PAPPA2: variants seen among roughly 807,000 people sequenced by gnomAD.
The protein encoded by PAPPA2 is pappalysin 2.
PAPPA2 carries 86 observed loss-of-function variants against 176.4 expected under a neutral mutation model. That is an observed-to-expected ratio of 0.49 (90% CI 0.41 to 0.58). The LOEUF (loss-of-function observed/expected upper bound fraction) is 0.58. Ranked by LOEUF, PAPPA2 falls within the 20% of genes least tolerant of loss-of-function variation. PAPPA2 has a pLI of 0.00. For missense variants in PAPPA2, 2,073 were observed against 2,256.9 expected (o/e 0.92, Z 1.65); for synonymous variants, 809 against 852.2 (o/e 0.95, Z 0.88).
At chr1:176,673,462 G>A (rs1659119955) in intron 4 of PAPPA2, among the ~76,000 whole-genome samples, 1 of 152,136 alleles carries the variant, frequency 6.6e-6, no homozygotes, top group South Asian at 2.1e-4. Context: ...CCTTTCTGGT[G>A]TATGTCTGTG....
At chr1:176,670,920 T>A (rs756524972) in intron 3 of PAPPA2, 50 bp from the exon 4 acceptor site, 1 of 1,609,032 alleles carries the variant, frequency 6.2e-7, no homozygotes, top group Non-Finnish European at 8.5e-7. Context: ...TGCTATTCTC[T>A]AAGTACCAAT....
rs528676428 is a variant in PAPPA2 at position 176,722,373 on chromosome 1, ATAAGTAAT to A, written c.3798+10397_3798+10404del. 2.5e-4 allele frequency among the ~76,000 whole-genome samples: 37 copies of A among 150,534 alleles called. 1 individual carries two copies. The East Asian group carries it at 6.0e-3, about 25-fold the overall frequency. ...ATTTGGGAAAGATCACTTTAATTCAATAAGTAATTAAGATAGCTTGTGCTTTGTGAGCC... is the reference window on the plus strand; with the variant it reads ...ATTTGGGAAAGATCACTTTAATTCAATAAGATAGCTTGTGCTTTGTGAGCC... On this transcript the variant is annotated intron_variant, in intron 12 of 22. Transcript: ENST00000367662.
chr1:176,784,418 C>T lies in PAPPA2; in HGVS notation c.4716-5391C>T, dbSNP rs1221124578. Among the ~76,000 whole-genome samples, 4 of 152,182 alleles carry T rather than the reference C, an allele frequency of 2.6e-5. No individual in the cohort carries two copies. In the East Asian group the frequency reaches 7.7e-4, roughly 29 times the overall value. On this transcript the variant is annotated intron_variant, in intron 17 of 22. Transcript: ENST00000367662. ...GAAGCAATGCAGAGGCACTGGGGAT[C>T]AGTCCATCCATTGCTGTGTCTCAGT...
At chr1:176,741,258 C>T (rs1198561948) in intron 14 of PAPPA2, among the ~76,000 whole-genome samples, 1 of 152,158 alleles carries the variant, frequency 6.6e-6, no homozygotes, top group Non-Finnish European at 1.5e-5. Flanking sequence ...ACTCAAACCT[C>T]AAGCAGAGCT....
At chr1:176,609,538 T>C (rs572663283) in intron 3 of PAPPA2, among the ~76,000 whole-genome samples, 1 of 152,328 alleles carries the variant, frequency 6.6e-6, no homozygotes, top group South Asian at 2.1e-4. Context: ...TTTGAGCATA[T>C]ATCTGAAGGA....
intron 6 of PAPPA2, among the ~76,000 whole-genome samples, chr1:176,693,283 T>C (rs538038336): frequency 2.2e-4 from 33 of 152,320 alleles, no homozygotes; most frequent in Non-Finnish European, 4.6e-4. Flanking sequence ...GTCTTTGCAG[T>C]AAACGCAGTT....
chr1:176,798,990 A>C (rs1665559399), intron 20 of PAPPA2, among the ~76,000 whole-genome samples: 1 of 152,220 alleles, frequency 6.6e-6, no homozygotes, highest in African/African-American at 2.4e-5. Flanking sequence ...CCTGCATATT[A>C]GCATATGTGA....
chr1:176,572,511 T>C (rs935005806), intron 2 of PAPPA2, among the ~76,000 whole-genome samples: 2 of 152,156 alleles, frequency 1.3e-5, no homozygotes, highest in African/African-American at 4.8e-5. Context: ...TAGGTTCTGA[T>C]TGGCATAGTA....
intron 3 of PAPPA2, among the ~76,000 whole-genome samples, chr1:176,611,784 C>T (rs1654942489): frequency 6.6e-6 from 1 of 152,160 alleles, no homozygotes; most frequent in Non-Finnish European, 1.5e-5. Context: ...TATAATAAAA[C>T]TCAAATCTAA....
chr1:176,764,315 AC>A (rs951487162), intron 14 of PAPPA2, among the ~76,000 whole-genome samples: 11 of 152,366 alleles, frequency 7.2e-5, no homozygotes, highest in African/African-American at 2.6e-4. Flanking sequence ...AAATGGGAGA[AC>A]AAAAAAGTGG....
chr1:176,770,889 GTT>G, intron 16 of PAPPA2, 76 bp from the exon 17 acceptor site: 1 of 1,407,094 alleles, frequency 7.1e-7, no homozygotes. Context: ...AAGTTCAGAG[GTT>G]TTTATTTCAT....
At chr1:176,479,015 G>A (rs1357809098) in intron 1 of PAPPA2, among the ~76,000 whole-genome samples, 2 of 152,130 alleles carry the variant, frequency 1.3e-5, no homozygotes, top group African/African-American at 2.4e-5. Flanking sequence ...TTAATCCATC[G>A]ATGAGGATAT....
chr1:176,490,707 T>A (rs988380779), intron 1 of PAPPA2, among the ~76,000 whole-genome samples: 21 of 152,114 alleles, frequency 1.4e-4, no homozygotes, highest in Admixed American at 4.6e-4. Context: ...AGTGCAGGAA[T>A]CAGCTGGCTC....
chr1:176,589,573 C>G (rs931043041), intron 2 of PAPPA2, among the ~76,000 whole-genome samples: 2 of 152,230 alleles, frequency 1.3e-5, no homozygotes, highest in Non-Finnish European at 2.9e-5. Context: ...GGCTTCCACA[C>G]TACCACCATC....
At chr1:176,728,777 A>G (rs894573260) in intron 12 of PAPPA2, among the ~76,000 whole-genome samples, 6 of 152,010 alleles carry the variant, frequency 3.9e-5, no homozygotes, top group African/African-American at 9.7e-5. Flanking sequence ...CTATATATAA[A>G]TAAACAGATT....
chr1:176,815,349 T>C (rs1666330827), intron 21 of PAPPA2, among the ~76,000 whole-genome samples: 1 of 152,186 alleles, frequency 6.6e-6, no homozygotes, highest in African/African-American at 2.4e-5. Flanking sequence ...GTGATACATG[T>C]ACCTAGTTTG....
At chr1:176,554,972 A>AGTGTGTGTGTGTGT (rs561289002) in intron 1 of PAPPA2, among the ~76,000 whole-genome samples, 2 of 140,816 alleles carry the variant, frequency 1.4e-5, no homozygotes, top group African/African-American at 5.3e-5. Context: ...GTTCACAGTA[A>AGTGTGTGTGTGTGT]GTGTGTGTGT....
intron 17 of PAPPA2, among the ~76,000 whole-genome samples, chr1:176,782,590 G>A (rs891436999): frequency 6.6e-6 from 1 of 152,166 alleles, no homozygotes; most frequent in Admixed American, 6.6e-5. Context: ...TCTTGAGGCT[G>A]GGAAGGTCAT....
At chr1:176,739,485 C>A in intron 12 of PAPPA2, 141 bp from the exon 13 acceptor site, 1 of 807,170 alleles carries the variant, frequency 1.2e-6, no homozygotes, top group Non-Finnish European at 1.9e-6. Context: ...GTGTCTACTC[C>A]ATATTTTTAG....
Sources: gnomAD v4.1 joint callset for allele counts (sites outside exome capture counted in the v4.1 genomes callset) on GRCh38, gnomAD v4.1.1 for gene constraint, MANE v1.5 for transcripts, NCBI Gene and HGNC (gene_info 2026-07-23, HGNC 2026-07-21) for gene names.